GSE1: variants seen among roughly 807,000 people sequenced by gnomAD.
The protein encoded by GSE1 is Gse1 coiled-coil protein, also known as genetic suppressor element 1.
A neutral mutation model predicts 112.6 loss-of-function variants in GSE1; 32 were observed. That is an observed-to-expected ratio of 0.28 (90% confidence interval 0.21 to 0.38). The LOEUF (loss-of-function observed/expected upper bound fraction) is 0.38, where lower values mean the gene tolerates loss of function less well. GSE1 is among the 10% of genes least tolerant of loss of function. The pLI is 1.00. For synonymous variants in GSE1, 1,115 were observed against 735.6 expected, an observed-to-expected ratio of 1.52 and a Z score of -8.35; for missense variants, 2,348 against 1,699.2, an observed-to-expected ratio of 1.38 and a Z score of -6.71.
At chr16:85,370,559 C>T (rs192911514) in intron 2 of GSE1, among the ~76,000 whole-genome samples, 1 of 152,280 alleles carries the variant, frequency 6.6e-6, no homozygotes, top group East Asian at 1.9e-4. Flanking sequence ...AAAGTGGATA[C>T]AGCAATGATG....
chr16:85,340,592 G>A (rs895709272), intron 1 of GSE1, among the ~76,000 whole-genome samples: 2 of 152,196 alleles, frequency 1.3e-5, no homozygotes, highest in African/African-American at 4.8e-5. Flanking sequence ...AGTGAGCCAA[G>A]ATCGCGTCAC....
rs369515316 is a variant in GSE1, at chr16:85,663,138, C to T, written c.2373+45C>T. The T allele has an allele frequency of 3.6e-4, 496 of 1,376,004 alleles. 1 individual carries two copies. Among genetic ancestry groups the T allele is most frequent in the Non-Finnish European group, 2.3e-4 (225 of 970,310 alleles). 85.2% of individuals were successfully genotyped at this position (1,376,004 alleles called of 1,614,324 possible). A position where few individuals can be genotyped will look rare whatever the true frequency, so the allele number is the denominator to read the frequency against. On this transcript the variant is annotated intron_variant, in intron 10 of 15. Transcript: ENST00000253458. Reference sequence around the variant, plus strand: ...ACGGACATGCTCTGGGCTGGGCTCTCGTTCCTAGCGTCCACACCCTGCAGT... The same window carrying T: ...ACGGACATGCTCTGGGCTGGGCTCTTGTTCCTAGCGTCCACACCCTGCAGT...
At chr16:85,492,047 C>G (rs1019843444) in intron 2 of GSE1, among the ~76,000 whole-genome samples, 1 of 152,198 alleles carries the variant, frequency 6.6e-6, no homozygotes, top group African/African-American at 2.4e-5. Flanking sequence ...CCCCTGGACA[C>G]GGGCAGCCAG....
chr16:85,389,460 CAAAA>C (rs59509773), intron 2 of GSE1, among the ~76,000 whole-genome samples: 15 of 77,834 alleles, frequency 1.9e-4, no homozygotes, highest in African/African-American at 5.4e-4. Flanking sequence ...ACTCTGTCTC[CAAAA>C]AAAAAAAAAA....
rs1006166432 is a variant in GSE1, at chr16:85,419,800, G to A, written c.2464+62157G>A. ...TCCAAGACTCTGATGGAAATGGTCC[G>A]AGTAGGGCTTCTGCAGGGCCAGCCA... On this transcript the variant is annotated intron_variant, in intron 2 of 2. Transcript: ENST00000637419. This position sits in a 1 kb window ranked among gnomAD's most constrained non-coding sequence, Gnocchi z 6.5. 2.1e-5 allele frequency among the ~76,000 whole-genome samples: 3 copies of A among 143,800 alleles called. No individual in the cohort carries two copies. The highest frequency in any genetic ancestry group is 4.6e-5 in the Non-Finnish European group (3 of 65,724). The allele number at this position is 143,800 out of a possible 152,430, so 94.3% of individuals were successfully genotyped here. A position where few individuals can be genotyped will look rare whatever the true frequency, so the allele number is the denominator to read the frequency against.
At chr16:85,621,779 T>A (rs2048759535) in intron 1 of GSE1, among the ~76,000 whole-genome samples, 2 of 152,202 alleles carry the variant, frequency 1.3e-5, no homozygotes, top group Admixed American at 6.5e-5. Flanking sequence ...GAGACTGTTG[T>A]GTTCCTTCTG....
At chr16:85,372,048 T>G (rs2047312552) in intron 2 of GSE1, among the ~76,000 whole-genome samples, 1 of 152,296 alleles carries the variant, frequency 6.6e-6, no homozygotes, top group African/African-American at 2.4e-5. Context: ...ACCAAAGCCC[T>G]GGTGCTCCTA....
intron 1 of GSE1, among the ~76,000 whole-genome samples, chr16:85,310,100 G>A (rs995742943): frequency 2.6e-5 from 4 of 152,194 alleles, no homozygotes; most frequent in African/African-American, 4.8e-5. Context: ...CCCCTGTCCC[G>A]CCTGGCACTC....
chr16:85,535,409 C>T (rs2044291226), intron 2 of GSE1, among the ~76,000 whole-genome samples: 1 of 152,234 alleles, frequency 6.6e-6, no homozygotes, highest in Non-Finnish European at 1.5e-5. Flanking sequence ...CCTTCCTTCT[C>T]TACCCCGCCT....
At chr16:85,663,730 T>C in intron 11 of GSE1, 116 bp downstream of exon 11, 4 of 1,088,840 alleles carry the variant, frequency 3.7e-6, no homozygotes, top group Non-Finnish European at 5.3e-6. Context: ...AGCCTGAGGC[T>C]GCCCCTTTAC....
At chr16:85,255,002 G>A (rs1194173157) in intron 1 of GSE1, among the ~76,000 whole-genome samples, 1 of 152,234 alleles carries the variant, frequency 6.6e-6, no homozygotes, top group African/African-American at 2.4e-5. Flanking sequence ...GTTGGGGGCA[G>A]CACCCACCTC....
upstream of GSE1, among the ~76,000 whole-genome samples, chr16:85,551,501 C>G (rs936910322): frequency 6.6e-6 from 1 of 152,244 alleles, no homozygotes; most frequent in Non-Finnish European, 1.5e-5. Flanking sequence ...TTCCCGCTAC[C>G]CCGTTCAGCC....
rs548701745 is a variant in GSE1, at chr16:85,515,576, C to T, written c.2465-118338C>T. On this transcript the variant is annotated intron_variant, in intron 2 of 2. Transcript: ENST00000637419. The stretch of plus-strand genomic sequence containing the variant: ...CCTGTGTCCTCTGAGGACCCTGGGG[C>T]GCCAGGGGCCCAGACTGGGCCAGGC... Among the ~76,000 whole-genome samples the T allele has an allele frequency of 3.7e-3, 553 of 149,988 alleles. 1 individual carries two copies. Among genetic ancestry groups the T allele is most frequent in the African/African-American group, 0.013 (533 of 40,562 alleles).
rs369986297 is a variant in GSE1 at position 85,665,041 on chromosome 16, C to T, written c.2671C>T (p.Arg891Cys). Residue 891 changes from arginine (R) to cysteine (C), a missense_variant, in exon 12 of 16, where the codon CGT (arginine) becomes TGT (cysteine). Arg to Cys is a radical substitution (Grantham distance 180). Coordinates refer to ENST00000253458, the MANE Select transcript of GSE1 (RefSeq NM_014615.5). ...KDKERLVEML[R>C]AMKQKALSAA... ...CAAAGAGAGACTTGTTGAAATGCTC[C>T]GTGCCATGAAGCAGAAGGCACTGTC... 65 of 1,609,824 alleles carry T rather than the reference C, an allele frequency of 4.0e-5. No homozygotes were observed. Among genetic ancestry groups the T allele is most frequent in the East Asian group, 1.1e-4 (5 of 44,870 alleles).
At chr16:85,665,902 C>G in intron 12 of GSE1, 74 bp from the exon 13 acceptor site, 4 of 1,432,172 alleles carry the variant, frequency 2.8e-6, no homozygotes, top group Non-Finnish European at 3.9e-6. Context: ...CTCTAGAGAC[C>G]AGGATCTGCG....
At chr16:85,460,012 T>C (rs57877791) in intron 2 of GSE1, among the ~76,000 whole-genome samples, 10,295 of 152,214 alleles carry the variant, frequency 0.068, 1,177 homozygotes, top group African/African-American at 0.24. Context: ...ATCCTGTCCT[T>C]CTGCTGGGGT....
exon 1 of GSE1, chr16:85,556,164 T>G: frequency 1.0e-6 from 1 of 981,950 alleles, no homozygotes; most frequent in Non-Finnish European, 1.2e-6. Flanking sequence ...AAGACTGATT[T>G]TTTTTTTTCG....
chr16:85,170,674 G>C (rs2074345401), exon 1 of GSE1: 2 of 985,560 alleles, frequency 2.0e-6, no homozygotes, highest in Non-Finnish European at 2.4e-6. Context: ...GCACCACCAG[G>C]TCCACGTGCA....
chr16:85,656,550 G>T lies in GSE1; in HGVS notation c.1197G>T (p.Leu399=). The change falls in exon 7 of 16, where the codon CTG becomes CTT. Residue 399 remains leucine (L), a synonymous_variant. Transcript: ENST00000253458. ...REQRAREKEL[L]AAKALEPSFL... is the part of the protein sequence containing the mutation. ...AGCGGGCCCGGGAGAAGGAGCTGCT[G>T]GCCGCCAAGGCCCTGGAGCCCAGCT... 6.5e-7 allele frequency: 1 copy of T among 1,548,580 alleles called. No individual in the cohort carries two copies. Among genetic ancestry groups the T allele is most frequent in the Non-Finnish European group, 8.7e-7 (1 of 1,146,368 alleles).
Sources: allele counts gnomAD v4.1 joint callset (sites outside exome capture counted in the v4.1 genomes callset), GRCh38; gene constraint gnomAD v4.1.1; non-coding constraint Gnocchi (gnomAD v3.1); transcripts MANE v1.5; gene names NCBI Gene and HGNC (gene_info 2026-07-23, HGNC 2026-07-21).